The following CTCFL variants were observed in gnomAD, a reference collection of about 807,000 sequenced individuals.
The protein encoded by CTCFL is CCCTC-binding factor like, also known as transcriptional repressor CTCFL.
A neutral mutation model predicts 67.4 loss-of-function variants in CTCFL; 36 were observed. That is an observed-to-expected ratio of 0.53 (90% CI 0.41 to 0.71). The LOEUF (loss-of-function observed/expected upper bound fraction) is 0.71, where lower values mean the gene tolerates loss of function less well. Ranked by LOEUF, CTCFL falls within the 30% of genes least tolerant of loss-of-function variation. The probability of loss-of-function intolerance (pLI) is 0.00; values close to 1 mark genes in which losing one functional copy is unlikely to be tolerated. For missense variants in CTCFL, 786 were observed against 835.2 expected, an observed-to-expected ratio of 0.94 and a Z score of 0.73; for synonymous variants, 324 against 302.3, an observed-to-expected ratio of 1.07 and a Z score of -0.75.
At chr20:57,524,497 G>C in intron 1 of CTCFL, 2 of 1,219,430 alleles carry the variant, frequency 1.6e-6, no homozygotes, top group South Asian at 2.1e-5. Context: ...TCCTGCGCCT[G>C]GCAAGGTTCC....
At chr20:57,514,830 C>A in intron 6 of CTCFL, 89 bp from the exon 7 acceptor site, 2 of 1,388,086 alleles carry the variant, frequency 1.4e-6, no homozygotes, top group Non-Finnish European at 2.0e-6. Context: ...TTTTTTGCCC[C>A]AAGCCTCCTT....
At chr20:57,523,312 T>C (rs1489917005) in intron 2 of CTCFL, 34 bp from the exon 3 acceptor site, 13 of 1,570,146 alleles carry the variant, frequency 8.3e-6, no homozygotes, top group Middle Eastern at 1.9e-4. Flanking sequence ...TATGATACTA[T>C]TGATTTCAGT....
intron 8 of CTCFL, among the ~76,000 whole-genome samples, chr20:57,511,557 T>C (rs1341927083): frequency 6.6e-6 from 1 of 151,958 alleles, no homozygotes; most frequent in African/African-American, 2.4e-5. Flanking sequence ...CATCACACAA[T>C]ATAAAAGTTG....
At chr20:57,516,088 C>T (rs1490631940) in intron 5 of CTCFL, among the ~76,000 whole-genome samples, 1 of 152,174 alleles carries the variant, frequency 6.6e-6, no homozygotes, top group Admixed American at 6.5e-5. Context: ...GAGACTTTCG[C>T]GTTCACCTTC....
rs995027335 is a variant in CTCFL, at chr20:57,499,956, T to C, written c.1841-1255A>G. On this transcript the variant is annotated intron_variant, in intron 10 of 10. Coordinates refer to ENST00000243914, the MANE Select transcript of CTCFL (RefSeq NM_001386993.1). The stretch of plus-strand genomic sequence containing the variant: ...AGCCCACAGGTCCACGGCTGGGGGG[T>C]TGGGGAGCCCTGCTCTACTCATTTT... 2.6e-5 allele frequency: 26 copies of C among 986,068 alleles called. No individual in the cohort carries two copies. In the African/African-American group the frequency reaches 3.9e-4, roughly 15 times the overall value. The allele number at this position is 986,068 out of a possible 1,614,324, so 61.1% of individuals were successfully genotyped here.
chr20:57,504,065 C>G (rs1342975388), intron 9 of CTCFL, among the ~76,000 whole-genome samples: 1 of 149,546 alleles, frequency 6.7e-6, no homozygotes, highest in Non-Finnish European at 1.5e-5. Context: ...CAAGCTCCGC[C>G]TCCTGGGTTC....
chr20:57,519,464 A>G (rs2069182978), intron 3 of CTCFL, 87 bp from the exon 4 acceptor site: 3 of 1,201,024 alleles, frequency 2.5e-6, no homozygotes, highest in Middle Eastern at 2.7e-4. Flanking sequence ...CGTCCTTTCA[A>G]CTAACGTGGG....
rs566858336 is a variant in CTCFL, at chr20:57,516,062, T to C, written c.1060-228A>G. 1.4e-4 allele frequency among the ~76,000 whole-genome samples: 21 copies of C among 152,296 alleles called. No individual in the cohort carries two copies. The East Asian group carries it at 2.3e-3, about 17-fold the overall frequency. On this transcript the variant is annotated intron_variant, in intron 5 of 10. Transcript: ENST00000243914. Reference sequence around the variant, plus strand: ...TGTGTATAAGCTCCTTTAGGGAAAATGAGCAGCAGTTCTGAGAGACTTTCG... The same window carrying C: ...TGTGTATAAGCTCCTTTAGGGAAAACGAGCAGCAGTTCTGAGAGACTTTCG...
chr20:57,513,516 G>A (rs536303980), intron 7 of CTCFL: 2 of 1,044,404 alleles, frequency 1.9e-6, no homozygotes, highest in East Asian at 9.4e-5. Context: ...AGGGCTATGT[G>A]GAGTGTATCA....
chr20:57,510,602 G>A (rs6070123), intron 8 of CTCFL, among the ~76,000 whole-genome samples: 4 of 152,184 alleles, frequency 2.6e-5, no homozygotes, highest in African/African-American at 7.2e-5. Flanking sequence ...GGTGGCTCAC[G>A]CCTATAATCC....
At position 57,518,875 on chromosome 20, in the gene CTCFL, C is replaced by A. The variant is rs760649442; in HGVS notation, c.942G>T (p.Lys314Asn). The part of the protein sequence containing the change: ...VNTHTGTRPY[K>N]CNDCNMAFVT... Reference sequence around the variant, plus strand: ...CAAATGCCATGTTGCAGTCGTTACACTTGTAGGGCCTGGTTCCTGTAAAAT... The same window carrying A: ...CAAATGCCATGTTGCAGTCGTTACAATTGTAGGGCCTGGTTCCTGTAAAAT... Residue 314 changes from lysine to asparagine, a missense_variant, in exon 5 of 11, where the codon AAG becomes AAT. This residue lies in a region of CTCFL where 254 missense variants were observed against 333.9 expected (regional missense o/e 0.76). Coordinates refer to ENST00000243914, the MANE Select transcript of CTCFL (RefSeq NM_001386993.1). 3.1e-6 allele frequency: 5 copies of A among 1,613,290 alleles called. No homozygotes were observed. Among genetic ancestry groups the A allele is most frequent in the Non-Finnish European group, 4.2e-6 (5 of 1,179,360 alleles).
At chr20:57,514,793 A>T (rs1470001918) in intron 6 of CTCFL, 52 bp from the exon 7 acceptor site, 2 of 1,562,650 alleles carry the variant, frequency 1.3e-6, no homozygotes, top group Non-Finnish European at 1.7e-6. Context: ...TCCTTGCCAA[A>T]GGCCACCTGT....
intron 9 of CTCFL, among the ~76,000 whole-genome samples, chr20:57,504,898 G>A (rs1409075743): frequency 6.6e-6 from 1 of 151,972 alleles, no homozygotes; most frequent in African/African-American, 2.4e-5. Flanking sequence ...TTTAGGGCAA[G>A]GTATCCTCCA....
intron 10 of CTCFL, among the ~76,000 whole-genome samples, chr20:57,502,641 A>G (rs2067979819): frequency 6.6e-6 from 1 of 152,146 alleles, no homozygotes; most frequent in Admixed American, 6.5e-5. Flanking sequence ...TGAACAGTGC[A>G]GGTGTTCACC....
chr20:57,509,782 T>C (rs942617998), intron 8 of CTCFL, among the ~76,000 whole-genome samples: 2 of 152,208 alleles, frequency 1.3e-5, no homozygotes, highest in Admixed American at 6.5e-5. Context: ...CCCTCTTCCA[T>C]GCACAGCTTT....
chr20:57,500,886 C>T (rs2067877842), intron 10 of CTCFL, among the ~76,000 whole-genome samples: 1 of 152,198 alleles, frequency 6.6e-6, no homozygotes, highest in Non-Finnish European at 1.5e-5. Flanking sequence ...AAAACCACTA[C>T]ATTTAGGTGT....
intron 1 of CTCFL, chr20:57,524,753 G>T: frequency 1.0e-6 from 1 of 987,504 alleles, no homozygotes; most frequent in Non-Finnish European, 1.2e-6. Context: ...AGCACCCTCA[G>T]AGCCAGGCAG....
At chr20:57,523,616 A>T (rs767288406) in intron 2 of CTCFL, 47 bp downstream of exon 2, 3 of 1,565,764 alleles carry the variant, frequency 1.9e-6, no homozygotes, top group South Asian at 1.2e-5. Flanking sequence ...GCCGACTTGA[A>T]TTTTTTCTTT....
At chr20:57,520,772 G>C (rs971270272) in intron 3 of CTCFL, among the ~76,000 whole-genome samples, 15 of 152,194 alleles carry the variant, frequency 9.9e-5, no homozygotes, top group African/African-American at 3.6e-4. Flanking sequence ...AAGGTTTATG[G>C]GTTGAGTTGT....
Sources: allele counts gnomAD v4.1 joint callset (sites outside exome capture counted in the v4.1 genomes callset), GRCh38; gene constraint gnomAD v4.1.1; regional missense constraint gnomAD v4.1.1; transcripts MANE v1.5; gene names NCBI Gene and HGNC (gene_info 2026-07-23, HGNC 2026-07-21).